ARHGEF5: variants seen among roughly 807,000 people sequenced by gnomAD.
ARHGEF5 encodes the protein Rho guanine nucleotide exchange factor 5, also known as Rho guanine nucleotide exchange factor (GEF) 5.
A neutral mutation model predicts 104.0 loss-of-function variants in ARHGEF5; 11 were observed. That is an observed-to-expected ratio of 0.11 (90% confidence interval 0.07 to 0.18). ARHGEF5 has a LOEUF of 0.18. ARHGEF5 is among the 10% of genes least tolerant of loss of function. The probability of loss-of-function intolerance (pLI) is 1.00; values close to 1 mark genes in which losing one functional copy is unlikely to be tolerated. For synonymous variants in ARHGEF5, 60 were observed against 512.2 expected (o/e 0.12, Z 11.92); for missense variants, 165 against 1,335.4 (o/e 0.12, Z 13.66).
chr7:144,373,890 A>C (rs1441066476), intron 10 of ARHGEF5, among the ~76,000 whole-genome samples: 2 of 141,902 alleles, frequency 1.4e-5, no homozygotes, highest in African/African-American at 5.2e-5. Context: ...GCCCCAGGCT[A>C]GAGTGCAGTG....
chr7:144,377,851 G>A (rs1252814743), intron 13 of ARHGEF5, among the ~76,000 whole-genome samples: 1 of 152,164 alleles, frequency 6.6e-6, no homozygotes. Flanking sequence ...GTAACTGAAC[G>A]CTGTTAACTT....
In ARHGEF5 at chr7:144,365,768, G is replaced by GGGCTGGAGCC; in HGVS notation, c.3103_3112dup (p.Gln1038LeufsTer14). ...CTAGTGAGGGGGCCAACAAGCACAAGGGCTGGAGCCGGCAGGGCCTGCGCA... is the reference window on the plus strand; with the variant it reads ...CTAGTGAGGGGGCCAACAAGCACAAGGGCTGGAGCCGGCTGGAGCCGGCAGGGCCTGCGCA... On this transcript the variant is annotated frameshift_variant, in exon 2 of 15. Coordinates refer to ENST00000056217, the MANE Select transcript of ARHGEF5 (RefSeq NM_005435.4). LOFTEE classifies it high-confidence loss of function. 1 of 352,076 alleles carries GGGCTGGAGCC rather than the reference G, an allele frequency of 2.8e-6. No homozygotes were observed. The highest frequency in any genetic ancestry group is 4.9e-6 in the Non-Finnish European group (1 of 205,968). The allele number at this position is 352,076 out of a possible 1,614,324, so 21.8% of individuals were successfully genotyped here.
At chr7:144,377,515 A>G (rs562379828) in intron 13 of ARHGEF5, among the ~76,000 whole-genome samples, 2 of 152,154 alleles carry the variant, frequency 1.3e-5, no homozygotes, top group East Asian at 3.9e-4. Context: ...GGGGTAGGGG[A>G]AGAAAGCCTG....
chr7:144,379,501 C>T (rs542782463), intron 14 of ARHGEF5, among the ~76,000 whole-genome samples: 44 of 152,308 alleles, frequency 2.9e-4, no homozygotes, highest in African/African-American at 7.2e-4. Context: ...TGAGCCACCA[C>T]GCCCAGCCCA....
At position 144,361,042 on chromosome 7, in the gene ARHGEF5, G is replaced by T. The variant is rs112592746; in HGVS notation, c.-12-1616G>T. 8.3e-5 allele frequency among the ~76,000 whole-genome samples: 12 copies of T among 144,532 alleles called. No homozygotes were observed. In the South Asian group the frequency reaches 2.2e-3, roughly 26 times the overall value. The allele number at this position is 144,532 out of a possible 152,430, so 94.8% of individuals were successfully genotyped here. The stretch of plus-strand genomic sequence containing the variant: ...CAGGAGATTGAGACCATCCTGGCCA[G>T]AATGGTGAAACCCCGTCTCTACTAA... On this transcript the variant is annotated intron_variant, in intron 1 of 14. Coordinates refer to ENST00000056217, the MANE Select transcript of ARHGEF5 (RefSeq NM_005435.4).
intron 13 of ARHGEF5, among the ~76,000 whole-genome samples, chr7:144,378,440 A>T (rs937147660): frequency 3.9e-5 from 6 of 152,200 alleles, no homozygotes; most frequent in African/African-American, 1.4e-4. Flanking sequence ...CAGTCTTAAA[A>T]GAGTTCAGAA....
At chr7:144,378,659 T>C (rs1398527723) in intron 13 of ARHGEF5, 103 bp from the exon 14 acceptor site, 33 of 897,264 alleles carry the variant, frequency 3.7e-5, no homozygotes, top group Non-Finnish European at 5.3e-5. Context: ...AGCCCAAATC[T>C]GTCTCTATCT....
At chr7:144,361,255 A>G (rs1185826820) in intron 1 of ARHGEF5, among the ~76,000 whole-genome samples, 4 of 110,822 alleles carry the variant, frequency 3.6e-5, no homozygotes, top group Non-Finnish European at 6.1e-5. Flanking sequence ...AAGAAAAAAA[A>G]AAAAAGACTG....
chr7:144,360,854 T>C (rs1351061706), intron 1 of ARHGEF5, among the ~76,000 whole-genome samples: 1 of 143,862 alleles, frequency 7.0e-6, no homozygotes, highest in Admixed American at 7.0e-5. Context: ...ATAATTATAA[T>C]TGTATAAATG....
chr7:144,379,370 T>A (rs1352355683), intron 14 of ARHGEF5, among the ~76,000 whole-genome samples: 1 of 151,914 alleles, frequency 6.6e-6, no homozygotes, highest in Non-Finnish European at 1.5e-5. Context: ...CCACCACACC[T>A]GGCTAATTTT....
At chr7:144,379,402 G>A (rs916254850) in intron 14 of ARHGEF5, among the ~76,000 whole-genome samples, 1 of 151,920 alleles carries the variant, frequency 6.6e-6, no homozygotes, top group African/African-American at 2.4e-5. Flanking sequence ...TAGAGATGGG[G>A]TTTCACCATA....
At position 144,380,078 on chromosome 7, in the gene ARHGEF5, G is replaced by C; in HGVS notation, c.*22G>C. The C allele has an allele frequency of 3.1e-6, 5 of 1,613,502 alleles. No individual in the cohort carries two copies. The highest frequency in any genetic ancestry group is 4.2e-6 in the Non-Finnish European group (5 of 1,179,584). On this transcript the variant is annotated 3_prime_UTR_variant, in exon 15 of 15. Coordinates refer to ENST00000056217, the MANE Select transcript of ARHGEF5 (RefSeq NM_005435.4). ...CTAAGTCTTCTCTGAGAGGAGTTTC[G>C]TGAGCTGAAGAACAAGCTGCTCATG...
chr7:144,373,793 C>T (rs1472327275), intron 10 of ARHGEF5, among the ~76,000 whole-genome samples: 27 of 141,502 alleles, frequency 1.9e-4, no homozygotes, highest in African/African-American at 6.8e-4. Flanking sequence ...CATTGAAATA[C>T]AAATCTAAAA....
In ARHGEF5 at chr7:144,378,690, C is replaced by G. The variant is rs567691858; in HGVS notation, c.4532-72C>G. 61 of 1,310,618 alleles carry G rather than the reference C, an allele frequency of 4.7e-5. No homozygotes were observed. The East Asian group carries it at 1.0e-3, about 22-fold the overall frequency. The allele number at this position is 1,310,618 out of a possible 1,614,324, so 81.2% of individuals were successfully genotyped here. ...TATCTCAAGTCCTCCCACGCCACCC[C>G]CCTCCAAGTCCCTGTCTGTGTTCCA... is the stretch of plus-strand genomic sequence containing the variant. On this transcript the variant is annotated intron_variant, in intron 13 of 14. Coordinates refer to ENST00000056217, the MANE Select transcript of ARHGEF5 (RefSeq NM_005435.4).
Position 144,363,817 on chromosome 7 carries a change from ATGGGGGCAGGC to A in ARHGEF5, c.1158_1168del (p.Arg386SerfsTer12). 6.7e-7 allele frequency: 1 copy of A among 1,490,754 alleles called. No individual in the cohort carries two copies. 92.3% of individuals were successfully genotyped at this position (1,490,754 alleles called of 1,614,324 possible). On this transcript the variant is annotated frameshift_variant, in exon 2 of 15. Coordinates refer to ENST00000056217, the MANE Select transcript of ARHGEF5 (RefSeq NM_005435.4). LOFTEE classifies it high-confidence loss of function. ...GAGGCGAAAGAGCCAGAGAGTTGGG[ATGGGGGCAGGC>A]TGGGGGCAGTGGGAAGAGCGAGGAG...
rs2053668543 is a variant in ARHGEF5, at chr7:144,363,804, C to G, written c.1135C>G (p.Pro379Ala). ...VPVSGQEAKE[P>A]ESWDGGRLGA... ...AGTCAGCGGGCAGGAGGCGAAAGAGCCAGAGAGTTGGGATGGGGGCAGGCT... is the reference window on the plus strand; with the variant it reads ...AGTCAGCGGGCAGGAGGCGAAAGAGGCAGAGAGTTGGGATGGGGGCAGGCT... Residue 379 changes from proline to alanine, a missense_variant, in exon 2 of 15, where the codon CCA (proline) becomes GCA (alanine). Coordinates refer to ENST00000056217, the MANE Select transcript of ARHGEF5 (RefSeq NM_005435.4). 1 of 1,508,604 alleles carries G rather than the reference C, an allele frequency of 6.6e-7. No individual in the cohort carries two copies. The highest frequency in any genetic ancestry group is 2.3e-5 in the East Asian group (1 of 44,182). 93.5% of individuals were successfully genotyped at this position (1,508,604 alleles called of 1,614,324 possible). A position where few individuals can be genotyped will look rare whatever the true frequency, so the allele number is the denominator to read the frequency against.
chr7:144,380,017 C>G lies in ARHGEF5; in HGVS notation c.4755C>G (p.Val1585=). 6.2e-7 allele frequency: 1 copy of G among 1,614,180 alleles called. No homozygotes were observed. Residue 1585 remains valine, a synonymous_variant, in exon 15 of 15, where the codon GTC becomes GTG. Coordinates refer to ENST00000056217, the MANE Select transcript of ARHGEF5 (RefSeq NM_005435.4). ...AGAACCTGAAGGAAGCTCATCGAGT[C>G]AAGACTGCCAAACTACAGCTGGTGG... is the stretch of plus-strand genomic sequence containing the variant. ...RAQNLKEAHR[V]KTAKLQLVEQ... is the part of the protein sequence containing the mutation.
In ARHGEF5 at chr7:144,364,411, TC is replaced by T; in HGVS notation, c.1746del (p.Ser583ProfsTer62). On this transcript the variant is annotated frameshift_variant, in exon 2 of 15. Transcript: ENST00000056217. LOFTEE classifies it high-confidence loss of function. ...ATGTGCCCGGCTGCCCTCTATGGCT[TC>T]CCCTCCACCGGGACCAGCCCTCCGA... is the stretch of plus-strand genomic sequence containing the variant. ...SEMCPAALYG[F>X]PSTGTSPPRP... The T allele has an allele frequency of 3.2e-6, 1 of 311,514 alleles. No individual in the cohort carries two copies. Among genetic ancestry groups the T allele is most frequent in the South Asian group, 2.5e-5 (1 of 39,902 alleles). The allele number at this position is 311,514 out of a possible 1,614,324, so 19.3% of individuals were successfully genotyped here. A position where few individuals can be genotyped will look rare whatever the true frequency, so the allele number is the denominator to read the frequency against.
chr7:144,374,209 G>A lies in ARHGEF5; in HGVS notation c.4141-523G>A, dbSNP rs1274351986. On this transcript the variant is annotated intron_variant, in intron 10 of 14. Transcript: ENST00000056217. Reference sequence around the variant, plus strand: ...ATCCCTTATTCACATACTAAGCATAGACCACACCCTCATCTTTAACCAAAT... The same window carrying A: ...ATCCCTTATTCACATACTAAGCATAAACCACACCCTCATCTTTAACCAAAT... Among the ~76,000 whole-genome samples the A allele has an allele frequency of 1.1e-4, 9 of 84,688 alleles. No homozygotes were observed. In the East Asian group the frequency reaches 2.0e-3, roughly 19 times the overall value. The allele number at this position is 84,688 out of a possible 152,430, so 55.6% of individuals were successfully genotyped here. A position where few individuals can be genotyped will look rare whatever the true frequency, so the allele number is the denominator to read the frequency against.
Sources: gnomAD v4.1 joint callset for allele counts (sites outside exome capture counted in the v4.1 genomes callset) on GRCh38, gnomAD v4.1.1 for gene constraint, MANE v1.5 for transcripts, NCBI Gene and HGNC (gene_info 2026-07-23, HGNC 2026-07-21) for gene names.